Variants in STS observed in about 807,000 individuals in gnomAD.
The protein encoded by STS is steryl-sulfatase.
A neutral mutation model predicts 26.8 loss-of-function variants in STS; 7 were observed. That is an observed-to-expected ratio of 0.26 (90% CI 0.15 to 0.49). The LOEUF is 0.49. Ranked by LOEUF, STS falls within the 20% of genes least tolerant of loss-of-function variation. The probability of loss-of-function intolerance (pLI) is 0.98; values close to 1 mark genes in which losing one functional copy is unlikely to be tolerated. For synonymous variants in STS, 199 were observed against 189.4 expected (o/e 1.05, Z -0.42); for missense variants, 434 against 465.6 (o/e 0.93, Z 0.63).
chrX:7,310,919 A>G (rs1351279367), intron 8 of STS, among the ~76,000 whole-genome samples: 1 of 111,545 alleles, frequency 9.0e-6, no homozygotes, highest in East Asian at 2.8e-4. Flanking sequence ...GGAAAGATGC[A>G]AGCTAGACAT....
intron 7 of STS, among the ~76,000 whole-genome samples, chrX:7,287,334 G>T (rs1327464841): frequency 9.0e-6 from 1 of 111,229 alleles, no homozygotes; most frequent in Non-Finnish European, 1.9e-5. Flanking sequence ...AAAGTAATCC[G>T]CAGTATGCAA....
intron 1 of STS, among the ~76,000 whole-genome samples, chrX:7,180,359 A>G (rs781733525): frequency 8.9e-6 from 1 of 111,870 alleles, no homozygotes; most frequent in Non-Finnish European, 1.9e-5. Context: ...CACAGTTCAA[A>G]ATAGGGTTCA....
chrX:7,310,868 A>C (rs1817897925), intron 8 of STS, among the ~76,000 whole-genome samples: 1 of 111,447 alleles, frequency 9.0e-6, no homozygotes, highest in South Asian at 3.9e-4. Flanking sequence ...TCAGCTGCCC[A>C]CTTGCCACAT....
chrX:7,186,530 G>A (rs779051327), intron 1 of STS, among the ~76,000 whole-genome samples: 1 of 111,606 alleles, frequency 9.0e-6, no homozygotes, highest in Non-Finnish European at 1.9e-5. Flanking sequence ...CTGGTGAGGG[G>A]TGACAGTAAA....
At chrX:7,267,570 C>A (rs763356920) in intron 6 of STS, among the ~76,000 whole-genome samples, 11 of 112,207 alleles carry the variant, frequency 9.8e-5, no homozygotes, top group African/African-American at 3.6e-4. Flanking sequence ...TCTCTGAATT[C>A]ATTGAAACAG....
At chrX:7,272,751 A>G (rs1384556146) in intron 6 of STS, among the ~76,000 whole-genome samples, 4 of 111,700 alleles carry the variant, frequency 3.6e-5, no homozygotes, top group African/African-American at 1.3e-4. Flanking sequence ...GAACACCATG[A>G]TATAAATGAC....
chrX:7,305,136 T>G lies in STS; in HGVS notation c.1034T>G (p.Val345Gly). Residue 345 changes from valine (V) to glycine (G), a missense_variant, in exon 8 of 11, where the codon GTG (valine) becomes GGG (glycine). Physicochemically the swap from Val to Gly is moderately radical, Grantham distance 109. This residue lies in a region of STS where 229 missense variants were observed against 288.3 expected (regional missense o/e 0.79). Coordinates refer to ENST00000674429, the MANE Select transcript of STS (RefSeq NM_001320752.2). ...TSDQGAHVEEVSSKGEIHGGS... is the reference protein window; with the variant it reads ...TSDQGAHVEEGSSKGEIHGGS... ...GACCAGGGAGCACATGTAGAAGAAG[T>G]GTCTTCCAAAGGAGAAATTCATGGC... 2 of 1,211,170 alleles carry G rather than the reference T, an allele frequency of 1.7e-6. No homozygotes were observed. Among genetic ancestry groups the G allele is most frequent in the Non-Finnish European group, 2.2e-6 (2 of 894,979 alleles).
intron 8 of STS, among the ~76,000 whole-genome samples, chrX:7,323,073 A>G (rs1364820702): frequency 4.5e-5 from 5 of 111,790 alleles, no homozygotes; most frequent in African/African-American, 9.8e-5. Flanking sequence ...GGCAGTTGGG[A>G]TAATCATTCC....
chrX:7,276,022 A>G lies in STS; in HGVS notation c.878A>G (p.Asp293Gly). 1.7e-6 allele frequency: 2 copies of G among 1,205,333 alleles called. No individual in the cohort carries two copies. Among genetic ancestry groups the G allele is most frequent in the Non-Finnish European group, 1.1e-6 (1 of 893,346 alleles). Residue 293 changes from aspartate to glycine, a missense_variant, in exon 7 of 11, where the codon GAC (aspartate) becomes GGC (glycine). By Grantham distance (94) the Asp-to-Gly change is moderately conservative. This residue lies in a region of STS where 229 missense variants were observed against 288.3 expected (regional missense o/e 0.79). Transcript: ENST00000674429. ...HVHTALFSSK[D>G]FAGKSQHGVY... is the part of the protein sequence containing the mutation. The stretch of plus-strand genomic sequence containing the variant: ...CACACAGCCCTGTTCTCCAGCAAAG[A>G]CTTTGCTGGCAAAAGTCAACACGGA...
intron 1 of STS, among the ~76,000 whole-genome samples, chrX:7,158,818 G>T (rs181765331): frequency 1.3e-4 from 15 of 112,218 alleles, no homozygotes; most frequent in Non-Finnish European, 2.6e-4. Flanking sequence ...GAAACATCAT[G>T]TGATGTGCTG....
intron 8 of STS, among the ~76,000 whole-genome samples, chrX:7,315,420 G>A (rs754382558): frequency 2.7e-5 from 3 of 111,728 alleles, no homozygotes; most frequent in Middle Eastern, 4.2e-3. Flanking sequence ...TTTGGGTGTG[G>A]GGGCTGTATT....
At position 7,333,892 on chromosome X, in the gene STS, C is replaced by T. The variant is rs760965291; in HGVS notation, c.1242-94C>T. 3.7e-5 allele frequency: 43 copies of T among 1,154,982 alleles called. 1 individual carries two copies. Among genetic ancestry groups the T allele is most frequent in the African/African-American group, 1.8e-4 (10 of 56,242 alleles). On this transcript the variant is annotated intron_variant, in intron 9 of 10. Transcript: ENST00000674429. ...GGGTCAGTCTTCTTTGTATTAATTACGACTGGAGCTCCCTCATGCTCTTAT... is the reference window on the plus strand; with the variant it reads ...GGGTCAGTCTTCTTTGTATTAATTATGACTGGAGCTCCCTCATGCTCTTAT...
intron 1 of STS, among the ~76,000 whole-genome samples, chrX:7,177,314 G>A (rs376338202): frequency 3.2e-4 from 36 of 110,860 alleles, no homozygotes; most frequent in Admixed American, 1.8e-3. Context: ...TTAATAATGC[G>A]TAGCATTGTT....
At chrX:7,289,365 G>A (rs1303171048) in intron 7 of STS, among the ~76,000 whole-genome samples, 3 of 111,600 alleles carry the variant, frequency 2.7e-5, no homozygotes, top group Non-Finnish European at 5.7e-5. Context: ...GGGATGGTTT[G>A]GTGACTGTAC....
chrX:7,256,510 G>C (rs1158268235), intron 3 of STS, among the ~76,000 whole-genome samples: 1 of 111,508 alleles, frequency 9.0e-6, no homozygotes, highest in Non-Finnish European at 1.9e-5. Flanking sequence ...TTAGGCAGGG[G>C]CTCATTAAAG....
At chrX:7,302,873 A>G (rs1376665591) in intron 7 of STS, among the ~76,000 whole-genome samples, 1 of 111,629 alleles carries the variant, frequency 9.0e-6, no homozygotes, top group Non-Finnish European at 1.9e-5. Flanking sequence ...GCCTGCGGCC[A>G]TTGTAGAATA....
chrX:7,291,977 G>A (rs1486261618), intron 7 of STS, among the ~76,000 whole-genome samples: 7 of 112,057 alleles, frequency 6.2e-5, no homozygotes, highest in Non-Finnish European at 1.3e-4. Context: ...TTATGCATCC[G>A]ATTTGTTGCA....
At chrX:7,207,765 A>G (rs192824537) in intron 2 of STS, among the ~76,000 whole-genome samples, 89 of 112,637 alleles carry the variant, frequency 7.9e-4, no homozygotes, top group African/African-American at 2.4e-3. Context: ...TCATAATTAT[A>G]AACTGGTCAG....
At chrX:7,157,258 A>T (rs1376605224) in intron 1 of STS, among the ~76,000 whole-genome samples, 1 of 111,515 alleles carries the variant, frequency 9.0e-6, no homozygotes, top group Non-Finnish European at 1.9e-5. Flanking sequence ...TGCTCATGTG[A>T]CTGCTGCCTG....
Sources: gnomAD v4.1 joint callset for allele counts (sites outside exome capture counted in the v4.1 genomes callset) on GRCh38, gnomAD v4.1.1 for gene constraint, gnomAD v4.1.1 regional missense constraint, MANE v1.5 for transcripts, NCBI Gene and HGNC (gene_info 2026-07-23, HGNC 2026-07-21) for gene names.